Variants in SHANK2 observed in about 807,000 individuals in gnomAD.
SHANK2 encodes the protein SH3 and multiple ankyrin repeat domains protein 2.
A neutral mutation model predicts 133.7 loss-of-function variants in SHANK2; 43 were observed. That is an observed-to-expected ratio of 0.32 (90% CI 0.25 to 0.41). SHANK2 has a LOEUF of 0.41. Among genes scored for constraint, SHANK2 ranks in the 10% least tolerant of loss-of-function variants. The pLI is 1.00. For missense variants in SHANK2, 1,994 were observed against 2,235.8 expected, an observed-to-expected ratio of 0.89 and a Z score of 2.18; for synonymous variants, 1,017 against 952.8, an observed-to-expected ratio of 1.07 and a Z score of -1.24.
chr11:70,585,740 C>T (rs1001606100), intron 17 of SHANK2, among the ~76,000 whole-genome samples: 3 of 151,876 alleles, frequency 2.0e-5, no homozygotes, highest in Non-Finnish European at 2.9e-5. Context: ...TCCAACTAGC[C>T]ATCCATCCAT....
intron 2 of SHANK2, among the ~76,000 whole-genome samples, chr11:71,178,609 TAA>T (rs1953490194): frequency 1.3e-5 from 2 of 152,218 alleles, no homozygotes; most frequent in Non-Finnish European, 1.5e-5. Flanking sequence ...TACAACAATT[TAA>T]AAAGTCTTTA....
chr11:70,481,436 G>A (rs1017785807), intron 25 of SHANK2, among the ~76,000 whole-genome samples: 1 of 152,166 alleles, frequency 6.6e-6, no homozygotes. Flanking sequence ...CTGGATTCTT[G>A]CAAGAAGTGA....
intron 13 of SHANK2, among the ~76,000 whole-genome samples, chr11:70,803,779 C>G (rs529817165): frequency 1.4e-4 from 20 of 145,752 alleles, no homozygotes; most frequent in African/African-American, 4.9e-4. Context: ...ATGTGCCAGG[C>G]ACAGTGAAGG....
At chr11:71,073,308 G>T (rs1951174727) in intron 9 of SHANK2, among the ~76,000 whole-genome samples, 1 of 151,564 alleles carries the variant, frequency 6.6e-6, no homozygotes, top group East Asian at 1.9e-4. Context: ...ACAGGCACAT[G>T]CCATCACACC....
chr11:70,671,722 G>T (rs1944812164), intron 15 of SHANK2, among the ~76,000 whole-genome samples: 2 of 152,208 alleles, frequency 1.3e-5, no homozygotes, highest in African/African-American at 4.8e-5. Context: ...TGTCTCAGAG[G>T]TGGGCGGGTC....
intron 17 of SHANK2, among the ~76,000 whole-genome samples, chr11:70,596,617 T>C (rs1250939066): frequency 6.6e-6 from 1 of 152,200 alleles, no homozygotes. Context: ...GCAGGGCAAC[T>C]GCCAGGACAG....
chr11:70,518,198 C>T (rs1471277929), intron 17 of SHANK2, among the ~76,000 whole-genome samples: 6 of 152,124 alleles, frequency 3.9e-5, no homozygotes, highest in Non-Finnish European at 7.3e-5. Flanking sequence ...TATCCCTCTG[C>T]GTTCCCTGGA....
chr11:70,789,494 T>C (rs574024130), intron 14 of SHANK2, among the ~76,000 whole-genome samples: 1 of 152,160 alleles, frequency 6.6e-6, no homozygotes, highest in South Asian at 2.1e-4. Flanking sequence ...TTCTACCCAG[T>C]CGAGACCCCT....
chr11:70,715,926 C>T (rs978457698), intron 14 of SHANK2, among the ~76,000 whole-genome samples: 7 of 152,188 alleles, frequency 4.6e-5, no homozygotes, highest in African/African-American at 9.6e-5. Flanking sequence ...TGAGCTAATC[C>T]GGCCTGGGCC....
At chr11:70,692,146 A>C in intron 15 of SHANK2, among the ~76,000 whole-genome samples, 1 of 152,154 alleles carries the variant, frequency 6.6e-6, no homozygotes, top group East Asian at 1.9e-4. Context: ...AAAAATATAT[A>C]AAAATACAAA....
intron 2 of SHANK2, among the ~76,000 whole-genome samples, chr11:71,161,266 A>C (rs1465652434): frequency 6.6e-6 from 1 of 152,258 alleles, no homozygotes; most frequent in African/African-American, 2.4e-5. Flanking sequence ...ATAGCATCAC[A>C]TGATAGACAG....
At chr11:71,110,774 A>ACCGTTT (rs1555099043) in intron 5 of SHANK2, among the ~76,000 whole-genome samples, 2 of 152,274 alleles carry the variant, frequency 1.3e-5, no homozygotes, top group Non-Finnish European at 2.9e-5. Context: ...ATCCTGGATG[A>ACCGTTT]ATGTTTAAAA....
At chr11:70,526,296 C>G (rs1554972105) in intron 17 of SHANK2, among the ~76,000 whole-genome samples, 1 of 152,166 alleles carries the variant, frequency 6.6e-6, no homozygotes, top group Non-Finnish European at 1.5e-5. Flanking sequence ...TGTGTTCCAC[C>G]AGCCATAACC....
chr11:71,080,745 C>T (rs951576699), intron 8 of SHANK2, among the ~76,000 whole-genome samples: 4 of 152,200 alleles, frequency 2.6e-5, no homozygotes, highest in African/African-American at 7.2e-5. Flanking sequence ...AGAGAAACAA[C>T]GTCTCGTCCA....
At chr11:71,130,780 G>A (rs1952286035) in intron 3 of SHANK2, among the ~76,000 whole-genome samples, 1 of 152,018 alleles carries the variant, frequency 6.6e-6, no homozygotes, top group Admixed American at 6.5e-5. Flanking sequence ...AGCATCTCAG[G>A]TCGTGGCCCC....
At chr11:71,094,409 C>T (rs140389391) in intron 7 of SHANK2, 128 bp downstream of exon 7, 505 of 867,566 alleles carry the variant, frequency 5.8e-4, no homozygotes, top group Non-Finnish European at 7.5e-4. Flanking sequence ...ACACTGTGCA[C>T]GGACTCCTAG....
intron 17 of SHANK2, chr11:70,654,099 T>C (rs782667571): frequency 6.6e-6 from 1 of 152,244 alleles, no homozygotes; most frequent in Non-Finnish European, 1.5e-5. Context: ...TTTTCAAGGA[T>C]GAAGGATACT....
chr11:70,636,588 TG>T (rs2061095460), intron 17 of SHANK2, among the ~76,000 whole-genome samples: 2 of 151,282 alleles, frequency 1.3e-5, no homozygotes, highest in Non-Finnish European at 2.9e-5. Context: ...AATGTGAGTC[TG>T]TGTGAGTGTA....
At chr11:71,083,373 G>T (rs1430256100) in intron 8 of SHANK2, among the ~76,000 whole-genome samples, 1 of 152,182 alleles carries the variant, frequency 6.6e-6, no homozygotes, top group Non-Finnish European at 1.5e-5. Context: ...CCTGGTCTAT[G>T]CCGGGCACTG....
Sources: gnomAD v4.1 joint callset for allele counts (sites outside exome capture counted in the v4.1 genomes callset) on GRCh38, gnomAD v4.1.1 for gene constraint, MANE v1.5 for transcripts, NCBI Gene and HGNC (gene_info 2026-07-23, HGNC 2026-07-21) for gene names.